Variants in WFDC1 observed in about 807,000 individuals in gnomAD.
WFDC1 encodes the protein WAP four-disulfide core domain 1.
In WFDC1, 39 loss-of-function variants were observed where a neutral mutation model predicts 32.9. The observed-to-expected ratio is 1.19, with a 90% CI of 0.92 to 1.55. The LOEUF (loss-of-function observed/expected upper bound fraction) is 1.55, where lower values mean the gene tolerates loss of function less well. Among genes scored for constraint, WFDC1 ranks in the 40% most tolerant of loss-of-function variants. The probability of loss-of-function intolerance (pLI) is 0.00; values close to 1 mark genes in which losing one functional copy is unlikely to be tolerated. For missense variants in WFDC1, 386 were observed against 309.5 expected (o/e 1.25, Z -1.85); for synonymous variants, 184 against 137.4 (o/e 1.34, Z -2.37).
At chr16:84,302,896 G>C (rs1907028203) in intron 1 of WFDC1, among the ~76,000 whole-genome samples, 2 of 152,106 alleles carry the variant, frequency 1.3e-5, no homozygotes, top group Non-Finnish European at 2.9e-5. Context: ...AATCAATTAT[G>C]TTAAAACCTT....
intron 1 of WFDC1, among the ~76,000 whole-genome samples, chr16:84,303,967 G>T (rs1401295782): frequency 6.6e-6 from 1 of 152,200 alleles, no homozygotes; most frequent in Non-Finnish European, 1.5e-5. Context: ...TTTATATGTT[G>T]CATTTTCACT....
intron 1 of WFDC1, among the ~76,000 whole-genome samples, chr16:84,305,871 C>T (rs548343555): frequency 7.2e-5 from 11 of 152,066 alleles, no homozygotes; most frequent in East Asian, 1.9e-4. Flanking sequence ...GGCGTGGTGG[C>T]GGGCACCTGT....
chr16:84,323,111 A>T (rs1277175502), intron 4 of WFDC1, among the ~76,000 whole-genome samples: 1 of 152,098 alleles, frequency 6.6e-6, no homozygotes, highest in Non-Finnish European at 1.5e-5. Flanking sequence ...GCCTACAAAA[A>T]CCTTAGCCAT....
intron 3 of WFDC1, chr16:84,319,036 G>C: frequency 4.1e-6 from 1 of 241,278 alleles, no homozygotes. Flanking sequence ...ATTTGTGTGT[G>C]GGGATGCGTG....
intron 6 of WFDC1, chr16:84,327,338 C>G: frequency 5.5e-6 from 1 of 180,398 alleles, no homozygotes; most frequent in East Asian, 1.4e-4. Context: ...GGACTACAGA[C>G]ATACACCACC....
At chr16:84,301,393 A>T (rs1906924927) in intron 1 of WFDC1, among the ~76,000 whole-genome samples, 1 of 152,194 alleles carries the variant, frequency 6.6e-6, no homozygotes, top group Non-Finnish European at 1.5e-5. Context: ...ATTGCAGAGA[A>T]TGACTTATCT....
intron 2 of WFDC1, among the ~76,000 whole-genome samples, chr16:84,315,494 C>G (rs1041020689): frequency 6.6e-6 from 1 of 152,194 alleles, no homozygotes; most frequent in Non-Finnish European, 1.5e-5. Context: ...TTCATTCATT[C>G]ACTAGCCAGC....
At chr16:84,302,966 A>G (rs1314641090) in intron 1 of WFDC1, among the ~76,000 whole-genome samples, 1 of 151,938 alleles carries the variant, frequency 6.6e-6, no homozygotes, top group Non-Finnish European at 1.5e-5. Flanking sequence ...CTGACTGACA[A>G]TGACATTGTT....
At chr16:84,310,724 C>A (rs1036379643) in intron 1 of WFDC1, among the ~76,000 whole-genome samples, 1 of 152,166 alleles carries the variant, frequency 6.6e-6, no homozygotes, top group Admixed American at 6.5e-5. Flanking sequence ...AGAGCCTACA[C>A]GCTGTTCCGA....
At position 84,326,758 on chromosome 16, in the gene WFDC1, C is replaced by T. The variant is rs1470475210; in HGVS notation, c.605-124C>T. The T allele has an allele frequency of 5.3e-6, 6 of 1,121,528 alleles. No individual in the cohort carries two copies. In the Admixed American group the frequency reaches 1.1e-4, roughly 20 times the overall value. 69.5% of individuals were successfully genotyped at this position (1,121,528 alleles called of 1,614,324 possible). ...ACTGCAGGTGGGGACTGAGTGACCT[C>T]AGCTGGGGGAGGGAGGAGAGGGCCA... On this transcript the variant is annotated intron_variant, in intron 5 of 6. Transcript: ENST00000219454.
chr16:84,310,062 A>G (rs1655495122), intron 1 of WFDC1, among the ~76,000 whole-genome samples: 1 of 151,984 alleles, frequency 6.6e-6, no homozygotes, highest in African/African-American at 2.4e-5. Context: ...GGGGACCTTT[A>G]TTCAGCCAAC....
intron 1 of WFDC1, among the ~76,000 whole-genome samples, chr16:84,303,170 C>T (rs932406749): frequency 2.0e-4 from 30 of 151,948 alleles, no homozygotes; most frequent in Middle Eastern, 3.4e-3. Context: ...TTCCGGGGAG[C>T]GACATATTTT....
chr16:84,317,623 C>T (rs1019785214), intron 2 of WFDC1: 1 of 152,756 alleles, frequency 6.5e-6, no homozygotes, highest in Non-Finnish European at 1.5e-5. Context: ...CACCTGTACA[C>T]CAAACTTCAC....
chr16:84,319,463 G>A lies in WFDC1; in HGVS notation c.454G>A (p.Glu152Lys), dbSNP rs565366662. 32 of 1,611,656 alleles carry A rather than the reference G, an allele frequency of 2.0e-5. No individual in the cohort carries two copies. Among genetic ancestry groups the A allele is most frequent in the Non-Finnish European group, 2.5e-5 (29 of 1,179,934 alleles). The change falls in exon 4 of 7, where the codon GAA (glutamate) becomes AAA (lysine). Residue 152 changes from glutamate to lysine, a missense_variant. By Grantham distance (56) the Glu-to-Lys change is moderately conservative. Coordinates refer to ENST00000219454, the MANE Select transcript of WFDC1 (RefSeq NM_021197.4). ...EACSTTEDGA[E>K]PLLCPSGYEC... ...GTGCAGCACCACGGAGGATGGGGCC[G>A]AACCCCTGCTCTGTCCCTCGGGCTA...
chr16:84,295,191 C>A, intron 1 of WFDC1, 76 bp downstream of exon 1: 1 of 1,556,182 alleles, frequency 6.4e-7, no homozygotes, highest in Non-Finnish European at 8.7e-7. Context: ...GATCCCTAGA[C>A]ACTGCCTTCT....
chr16:84,300,074 G>C (rs1315962439), intron 1 of WFDC1, among the ~76,000 whole-genome samples: 3 of 152,218 alleles, frequency 2.0e-5, no homozygotes, highest in Non-Finnish European at 2.9e-5. Context: ...TGCTGAGATA[G>C]CAAGAGTGGG....
At chr16:84,311,112 T>C (rs1405953280) in intron 1 of WFDC1, among the ~76,000 whole-genome samples, 1 of 152,176 alleles carries the variant, frequency 6.6e-6, no homozygotes, top group Non-Finnish European at 1.5e-5. Flanking sequence ...AGAGTGTTAC[T>C]GGGCCTGGAT....
intron 1 of WFDC1, among the ~76,000 whole-genome samples, chr16:84,302,420 C>G (rs546725485): frequency 6.6e-6 from 1 of 152,164 alleles, no homozygotes; most frequent in Non-Finnish European, 1.5e-5. Flanking sequence ...ACCTGAGGCA[C>G]CTCTCGGGAA....
intron 1 of WFDC1, among the ~76,000 whole-genome samples, chr16:84,303,291 GC>G (rs1231232381): frequency 2.0e-5 from 3 of 152,060 alleles, no homozygotes; most frequent in African/African-American, 7.2e-5. Flanking sequence ...TATTGGTCTG[GC>G]CGCTAAGCTG....
Sources: allele counts gnomAD v4.1 joint callset (sites outside exome capture counted in the v4.1 genomes callset), GRCh38; gene constraint gnomAD v4.1.1; transcripts MANE v1.5; gene names NCBI Gene and HGNC (gene_info 2026-07-23, HGNC 2026-07-21).